Variants in SLC39A11 observed in about 807,000 individuals in gnomAD.
The protein encoded by SLC39A11 is zinc transporter ZIP11.
In SLC39A11, 33 loss-of-function variants were observed where a neutral mutation model predicts 36.1. The ratio of observed to expected loss-of-function variants is 0.91; its 90% CI spans 0.69 to 1.22. The LOEUF (loss-of-function observed/expected upper bound fraction) is 1.22, where lower values mean the gene tolerates loss of function less well. Ranked by LOEUF, SLC39A11 falls within the 50% of genes most tolerant of loss-of-function variation. SLC39A11 has a pLI of 0.00. For synonymous variants in SLC39A11, 166 were observed against 170.3 expected, an observed-to-expected ratio of 0.97 and a Z score of 0.20; for missense variants, 432 against 430.3, an observed-to-expected ratio of 1.00 and a Z score of -0.03.
chr17:72,676,728 T>A (rs2071276102), intron 7 of SLC39A11, among the ~76,000 whole-genome samples: 1 of 152,210 alleles, frequency 6.6e-6, no homozygotes, highest in African/African-American at 2.4e-5. Flanking sequence ...CTAATATTGC[T>A]TACGTCAAAT....
intron 4 of SLC39A11, among the ~76,000 whole-genome samples, chr17:72,963,174 T>TTTC (rs1555653418): frequency 1.4e-5 from 2 of 140,906 alleles, no homozygotes; most frequent in African/African-American, 5.3e-5. Flanking sequence ...CCTTTCTTTT[T>TTTC]TTTTTTTTTT....
intron 8 of SLC39A11, 25 bp from the exon 9 acceptor site, chr17:72,648,986 C>A (rs752437903): frequency 6.3e-7 from 1 of 1,599,992 alleles, no homozygotes; most frequent in Admixed American, 1.7e-5. Context: ...GAGACATTTA[C>A]CACCGCAGGG....
chr17:72,711,350 AG>A lies in SLC39A11; in HGVS notation c.671+25299del, dbSNP rs540482585. 5.9e-5 allele frequency among the ~76,000 whole-genome samples: 9 copies of A among 152,278 alleles called. No individual in the cohort carries two copies. In the East Asian group the frequency reaches 1.7e-3, roughly 29 times the overall value. ...GTGCAACTTCCGGACAGGTCCTTAA[AG>A]GGGGGAAGTGTATTTCTTCTTTACT... is the stretch of plus-strand genomic sequence containing the variant. On this transcript the variant is annotated intron_variant, in intron 7 of 9. Transcript: ENST00000255559.
intron 3 of SLC39A11, among the ~76,000 whole-genome samples, chr17:73,059,383 A>G (rs1027246171): frequency 6.6e-6 from 1 of 152,222 alleles, no homozygotes; most frequent in African/African-American, 2.4e-5. Context: ...ACTGGAAATA[A>G]GCCCAGGCAT....
intron 5 of SLC39A11, among the ~76,000 whole-genome samples, chr17:72,911,782 T>C (rs2083016763): frequency 6.6e-6 from 1 of 152,138 alleles, no homozygotes; most frequent in Admixed American, 6.5e-5. Context: ...TAGCTGGAAT[T>C]ACAGGCACAC....
At chr17:72,848,388 G>T (rs1403107997) in intron 6 of SLC39A11, among the ~76,000 whole-genome samples, 2 of 152,026 alleles carry the variant, frequency 1.3e-5, no homozygotes, top group African/African-American at 2.4e-5. Context: ...TTGAAATAAG[G>T]CATTAATATG....
chr17:72,887,772 C>G (rs937133441), intron 5 of SLC39A11, among the ~76,000 whole-genome samples: 1 of 140,204 alleles, frequency 7.1e-6, no homozygotes, highest in Admixed American at 7.2e-5. Context: ...TGCCTGGACT[C>G]CAGCAAATTT....
At chr17:72,728,356 C>T (rs1021650579) in intron 7 of SLC39A11, among the ~76,000 whole-genome samples, 5 of 151,654 alleles carry the variant, frequency 3.3e-5, no homozygotes, top group African/African-American at 1.2e-4. Flanking sequence ...GTGGGAGGAT[C>T]GCTTGAGCCC....
chr17:72,648,552 A>T (rs552214442), intron 9 of SLC39A11, among the ~76,000 whole-genome samples: 55 of 152,078 alleles, frequency 3.6e-4, no homozygotes, highest in Non-Finnish European at 7.2e-4. Flanking sequence ...AGTCTACTGC[A>T]TCAAGGGACG....
At chr17:72,738,490 C>A (rs1386837263) in intron 6 of SLC39A11, among the ~76,000 whole-genome samples, 1 of 152,108 alleles carries the variant, frequency 6.6e-6, no homozygotes, top group East Asian at 1.9e-4. Context: ...AAGTTCACCA[C>A]CCACTCGCCT....
chr17:72,975,156 C>A (rs771799421), intron 4 of SLC39A11, among the ~76,000 whole-genome samples: 14 of 151,978 alleles, frequency 9.2e-5, no homozygotes, highest in Non-Finnish European at 1.9e-4. Context: ...TAAAGAGGTC[C>A]TAGACCAGGC....
chr17:72,855,126 C>T (rs573524989), intron 5 of SLC39A11, among the ~76,000 whole-genome samples: 5 of 152,118 alleles, frequency 3.3e-5, no homozygotes, highest in South Asian at 2.1e-4. Flanking sequence ...GAAAGTACGG[C>T]GAAAGTTACA....
chr17:72,846,992 C>T (rs565242226), intron 6 of SLC39A11, among the ~76,000 whole-genome samples: 4 of 152,216 alleles, frequency 2.6e-5, no homozygotes, highest in Admixed American at 6.5e-5. Flanking sequence ...CTTTAAGATA[C>T]GGGGTGGGCA....
At chr17:72,855,805 G>C (rs1479020547) in intron 5 of SLC39A11, among the ~76,000 whole-genome samples, 4 of 152,004 alleles carry the variant, frequency 2.6e-5, no homozygotes, top group African/African-American at 9.7e-5. Flanking sequence ...GCTGAGGCAG[G>C]AGAATGGCGT....
At chr17:72,768,127 T>C (rs997130015) in intron 6 of SLC39A11, among the ~76,000 whole-genome samples, 2 of 151,958 alleles carry the variant, frequency 1.3e-5, no homozygotes, top group African/African-American at 4.8e-5. Flanking sequence ...GTTTCAGACA[T>C]GCAAAAAACC....
chr17:72,771,954 A>T (rs1307630245), intron 6 of SLC39A11, among the ~76,000 whole-genome samples: 1 of 152,136 alleles, frequency 6.6e-6, no homozygotes, highest in East Asian at 1.9e-4. Context: ...TTCCACCACC[A>T]ACCCTCCTTT....
chr17:72,820,967 T>C (rs1474062891), intron 6 of SLC39A11, among the ~76,000 whole-genome samples: 1 of 150,796 alleles, frequency 6.6e-6, no homozygotes, highest in African/African-American at 2.4e-5. Context: ...AGGTTTTTTG[T>C]TTTTGTTTTT....
At chr17:72,898,286 G>C (rs1423635662) in intron 5 of SLC39A11, among the ~76,000 whole-genome samples, 1 of 152,306 alleles carries the variant, frequency 6.6e-6, no homozygotes, top group Admixed American at 6.5e-5. Context: ...CTCCTCAAGG[G>C]GCTGGAGCAT....
chr17:72,715,376 G>A (rs555008843), intron 7 of SLC39A11, among the ~76,000 whole-genome samples: 22 of 152,332 alleles, frequency 1.4e-4, no homozygotes, highest in African/African-American at 5.1e-4. Flanking sequence ...CTATTCACAA[G>A]AGCTAAATGG....
Sources: gnomAD v4.1 joint callset for allele counts (sites outside exome capture counted in the v4.1 genomes callset) on GRCh38, gnomAD v4.1.1 for gene constraint, MANE v1.5 for transcripts, NCBI Gene and HGNC (gene_info 2026-07-23, HGNC 2026-07-21) for gene names.